Variants in NHEJ1 observed in about 807,000 individuals in gnomAD.
The protein encoded by NHEJ1 is non-homologous end-joining factor 1.
NHEJ1 carries 22 observed loss-of-function variants against 39.4 expected under a neutral mutation model. That is an observed-to-expected ratio of 0.56 (90% CI 0.40 to 0.80). The LOEUF (loss-of-function observed/expected upper bound fraction) is 0.80. NHEJ1 is among the 30% of genes least tolerant of loss of function. The probability of loss-of-function intolerance (pLI) is 0.00; values close to 1 mark genes in which losing one functional copy is unlikely to be tolerated. For synonymous variants in NHEJ1, 154 were observed against 135.6 expected (o/e 1.14, Z -0.94); for missense variants, 329 against 357.1 (o/e 0.92, Z 0.63).
rs574276549 is a variant in NHEJ1 at position 219,153,646 on chromosome 2, C to T, written c.390+3826G>A. On this transcript the variant is annotated intron_variant, in intron 3 of 7. Transcript: ENST00000356853. ...CTTGAGCTGAGGAATTCAAGACCAA[C>T]CTGGGCACTATGATGAGACTTCATC... Among the ~76,000 whole-genome samples the T allele has an allele frequency of 5.1e-5, 7 of 136,274 alleles. No individual in the cohort carries two copies. In the South Asian group the frequency reaches 1.6e-3, roughly 31 times the overall value. The allele number at this position is 136,274 out of a possible 152,430, so 89.4% of individuals were successfully genotyped here.
At chr2:219,129,682 C>T (rs1949558336) in intron 5 of NHEJ1, among the ~76,000 whole-genome samples, 1 of 152,204 alleles carries the variant, frequency 6.6e-6, no homozygotes, top group African/African-American at 2.4e-5. Flanking sequence ...ATTCATAAAG[C>T]GAAGCAGTAA....
intron 5 of NHEJ1, among the ~76,000 whole-genome samples, chr2:219,096,329 G>C (rs1195360267): frequency 6.6e-6 from 1 of 152,170 alleles, no homozygotes; most frequent in African/African-American, 2.4e-5. Context: ...AATTGACTCA[G>C]ATTTTCAGTC....
intron 1 of NHEJ1, 138 bp from the exon 2 acceptor site, chr2:219,158,500 C>T (rs1404003654): frequency 1.3e-6 from 1 of 796,356 alleles, no homozygotes; most frequent in South Asian, 1.5e-5. Flanking sequence ...TTTACGTTCT[C>T]CCAGTATACA....
intron 5 of NHEJ1, among the ~76,000 whole-genome samples, chr2:219,121,149 T>C (rs1949467587): frequency 1.3e-5 from 2 of 151,274 alleles, no homozygotes; most frequent in African/African-American, 4.9e-5. Context: ...GAGGTTGCAG[T>C]GAGCCAAGAA....
At chr2:219,131,856 A>G (rs991633668) in intron 5 of NHEJ1, among the ~76,000 whole-genome samples, 3 of 152,218 alleles carry the variant, frequency 2.0e-5, no homozygotes, top group African/African-American at 7.2e-5. Context: ...AGGTCTCTAT[A>G]CTGCTCACAA....
At chr2:219,153,697 G>C (rs942824866) in intron 3 of NHEJ1, among the ~76,000 whole-genome samples, 3 of 129,368 alleles carry the variant, frequency 2.3e-5, no homozygotes, top group African/African-American at 5.4e-5. Flanking sequence ...AGAAAAGGGG[G>C]GGGGGGTGGA....
chr2:219,159,575 GC>G (rs1559206347), intron 1 of NHEJ1, among the ~76,000 whole-genome samples: 1 of 9,376 alleles, frequency 1.1e-4, no homozygotes, highest in Non-Finnish European at 7.8e-4. Context: ...ATATATATAT[GC>G]ATATATATAT....
chr2:219,080,367 G>C (rs1257771737), intron 5 of NHEJ1, among the ~76,000 whole-genome samples: 2 of 151,456 alleles, frequency 1.3e-5, no homozygotes, highest in Non-Finnish European at 2.9e-5. Flanking sequence ...TACTAAAAAA[G>C]ACAAAAAATT....
intron 5 of NHEJ1, among the ~76,000 whole-genome samples, chr2:219,091,827 G>C (rs1949162713): frequency 6.6e-6 from 1 of 151,712 alleles, no homozygotes; most frequent in Non-Finnish European, 1.5e-5. Context: ...AAGTATGTGT[G>C]TATATATGAA....
At chr2:219,151,855 C>T (rs913842064) in intron 3 of NHEJ1, among the ~76,000 whole-genome samples, 1 of 152,114 alleles carries the variant, frequency 6.6e-6, no homozygotes, top group Admixed American at 6.6e-5. Context: ...GTAGTCCCAG[C>T]TACTCAGGAG....
intron 5 of NHEJ1, among the ~76,000 whole-genome samples, chr2:219,130,342 G>A (rs910862383): frequency 6.6e-6 from 1 of 152,100 alleles, no homozygotes; most frequent in Non-Finnish European, 1.5e-5. Context: ...GGAGAGAGGG[G>A]CTGTAATACT....
intron 5 of NHEJ1, among the ~76,000 whole-genome samples, chr2:219,114,617 G>A (rs1409418295): frequency 6.6e-6 from 1 of 152,172 alleles, no homozygotes. Flanking sequence ...CAACAAGAAG[G>A]ACGAGAAGGG....
In NHEJ1 at chr2:219,075,762, C is replaced by A. The variant is rs359960; in HGVS notation, c.*619G>T. On this transcript the variant is annotated 3_prime_UTR_variant, in exon 8 of 8. Coordinates refer to ENST00000356853, the MANE Select transcript of NHEJ1 (RefSeq NM_024782.3). ...GTTTGGCAAAGGAAAGCAGCAATCA[C>A]CTATCTGTCTTGTGCCCACCATCAA... is the stretch of plus-strand genomic sequence containing the variant. 1 of 152,372 alleles carries A rather than the reference C, an allele frequency of 6.6e-6. No homozygotes were observed. The highest frequency in any genetic ancestry group is 2.1e-4 in the South Asian group (1 of 4,838). The allele number at this position is 152,372 out of a possible 1,614,324, so 9.4% of individuals were successfully genotyped here.
At chr2:219,127,795 C>T (rs1455597047) in intron 5 of NHEJ1, among the ~76,000 whole-genome samples, 1 of 152,218 alleles carries the variant, frequency 6.6e-6, no homozygotes, top group Non-Finnish European at 1.5e-5. Context: ...TCCTCTTAAA[C>T]TGCAGTTTAA....
rs1313965775 is a variant in NHEJ1 at position 219,159,611 on chromosome 2, A to ATGCATATATATG, written c.-1+1108_-1+1109insCATATATATGCA. ...TGCATATATATATATGCATATATAT[A>ATGCATATATATG]CATATACGTGGTGATCTTTCTTTAT... On this transcript the variant is annotated intron_variant, in intron 1 of 7. Transcript: ENST00000356853. 2.4e-3 allele frequency among the ~76,000 whole-genome samples: 255 copies of ATGCATATATATG among 105,084 alleles called. 12 individuals carry two copies. Among genetic ancestry groups the ATGCATATATATG allele is most frequent in the African/African-American group, 8.3e-3 (239 of 28,716 alleles). The allele number at this position is 105,084 out of a possible 152,430, so 68.9% of individuals were successfully genotyped here.
At chr2:219,145,965 G>C (rs1389324715) in intron 5 of NHEJ1, among the ~76,000 whole-genome samples, 2 of 151,874 alleles carry the variant, frequency 1.3e-5, no homozygotes, top group Non-Finnish European at 2.9e-5. Context: ...AAGAAAATGG[G>C]GCAATAATAC....
chr2:219,098,670 G>A, intron 5 of NHEJ1, among the ~76,000 whole-genome samples: 1 of 152,174 alleles, frequency 6.6e-6, no homozygotes, highest in East Asian at 1.9e-4. Context: ...AACTAGGCAG[G>A]CTGGGTGCAG....
Position 219,158,603 on chromosome 2 carries a change from G to A in NHEJ1, c.1-241C>T, listed in dbSNP as rs184470098. Among the ~76,000 whole-genome samples, 4 of 152,112 alleles carry A rather than the reference G, an allele frequency of 2.6e-5. No individual in the cohort carries two copies. In the East Asian group the frequency reaches 7.7e-4, roughly 29 times the overall value. On this transcript the variant is annotated intron_variant, in intron 1 of 7. Coordinates refer to ENST00000356853, the MANE Select transcript of NHEJ1 (RefSeq NM_024782.3). ...TTTTTCCCATATTACATTCCTAGAGGACAGAAAATCTTTCTTCCATAGTGT... is the reference window on the plus strand; with the variant it reads ...TTTTTCCCATATTACATTCCTAGAGAACAGAAAATCTTTCTTCCATAGTGT...
chr2:219,080,204 T>G (rs1949049400), intron 5 of NHEJ1, among the ~76,000 whole-genome samples: 1 of 152,126 alleles, frequency 6.6e-6, no homozygotes, highest in African/African-American at 2.4e-5. Flanking sequence ...AGAAAAGTCC[T>G]AGGAACAGCA....
Sources: gnomAD v4.1 joint callset for allele counts (sites outside exome capture counted in the v4.1 genomes callset) on GRCh38, gnomAD v4.1.1 for gene constraint, MANE v1.5 for transcripts, NCBI Gene and HGNC (gene_info 2026-07-23, HGNC 2026-07-21) for gene names.